The following VEZT variants were observed in gnomAD, a reference collection of about 807,000 sequenced individuals.
The protein encoded by VEZT is vezatin, adherens junctions transmembrane protein.
In VEZT, 39 loss-of-function variants were observed where a neutral mutation model predicts 79.9. The ratio of observed to expected loss-of-function variants is 0.49; its 90% confidence interval spans 0.38 to 0.64. VEZT has a LOEUF of 0.64. Among genes scored for constraint, VEZT ranks in the 30% least tolerant of loss-of-function variants. The probability of loss-of-function intolerance (pLI) is 0.00; values close to 1 mark genes in which losing one functional copy is unlikely to be tolerated. For missense variants in VEZT, 837 were observed against 893.1 expected (o/e 0.94, Z 0.80); for synonymous variants, 325 against 327.6 (o/e 0.99, Z 0.09).
Position 95,218,119 on chromosome 12 carries a change from C to T in VEZT, c.36+233C>T, listed in dbSNP as rs567650984. 935 of 381,992 alleles carry T rather than the reference C, an allele frequency of 2.4e-3. 3 individuals are homozygous for T. Among genetic ancestry groups the T allele is most frequent in the Non-Finnish European group, 3.7e-3 (788 of 212,902 alleles). The allele number at this position is 381,992 out of a possible 1,614,324, so 23.7% of individuals were successfully genotyped here. ...CTCGGGCCCGCCCAGAATTCCCAGA[C>T]GGTGCCCGGTTGCCAGGCTCTGGGC... On this transcript the variant is annotated intron_variant, in intron 1 of 11. Transcript: ENST00000436874.
At chr12:95,293,143 C>G (rs890039983) in intron 9 of VEZT, among the ~76,000 whole-genome samples, 1 of 152,194 alleles carries the variant, frequency 6.6e-6, no homozygotes, top group Non-Finnish European at 1.5e-5. Flanking sequence ...AGCCACTGTG[C>G]CCAGCCAGTT....
chr12:95,287,557 C>CAAAT, intron 8 of VEZT, 107 bp from the exon 9 acceptor site: 3 of 1,078,504 alleles, frequency 2.8e-6, no homozygotes, highest in Non-Finnish European at 3.8e-6. Context: ...CCTGCCTTGG[C>CAAAT]CTCCCAAAGT....
chr12:95,287,867 A>G lies in VEZT; in HGVS notation c.1522+10A>G. ...AATACAGATAAAAAAGGTACCTGTG[A>G]GAGATTTCTTTGCCATATGCTTATC... On this transcript the variant is annotated intron_variant, in intron 9 of 11. Transcript: ENST00000436874. The G allele has an allele frequency of 6.3e-7, 1 of 1,575,802 alleles. No homozygotes were observed. The highest frequency in any genetic ancestry group is 1.2e-5 in the South Asian group (1 of 85,498).
At chr12:95,275,135 G>C (rs751547455) in intron 7 of VEZT, among the ~76,000 whole-genome samples, 83 of 152,208 alleles carry the variant, frequency 5.5e-4, no homozygotes, top group Non-Finnish European at 1.1e-3. Context: ...CCTTAAATTA[G>C]AGTTTGGAGA....
chr12:95,292,954 G>A (rs2073316713), intron 9 of VEZT, among the ~76,000 whole-genome samples: 6 of 146,930 alleles, frequency 4.1e-5, no homozygotes, highest in African/African-American at 1.3e-4. Context: ...GGGTTCAAAC[G>A]ATTCTTCTGC....
At chr12:95,238,701 A>G (rs562718475) in intron 1 of VEZT, among the ~76,000 whole-genome samples, 14 of 152,278 alleles carry the variant, frequency 9.2e-5, no homozygotes, top group African/African-American at 3.1e-4. Flanking sequence ...ACTGTTTCAT[A>G]TTTCATTAAA....
chr12:95,290,993 G>A (rs1031953186), intron 9 of VEZT, among the ~76,000 whole-genome samples: 6 of 152,014 alleles, frequency 3.9e-5, no homozygotes, highest in South Asian at 2.1e-4. Context: ...GGCCAGGTGC[G>A]GTGGCTCATG....
At chr12:95,230,307 A>T (rs2059078720) in intron 1 of VEZT, among the ~76,000 whole-genome samples, 1 of 152,178 alleles carries the variant, frequency 6.6e-6, no homozygotes, top group Non-Finnish European at 1.5e-5. Context: ...TAGTTGACAG[A>T]ATATAGCCTC....
chr12:95,266,505 G>A lies in VEZT; in HGVS notation c.583G>A (p.Val195Met). 1.9e-6 allele frequency: 3 copies of A among 1,613,898 alleles called. No individual in the cohort carries two copies. In the South Asian group the frequency reaches 3.3e-5, roughly 18 times the overall value. ...ATTATGGAGGACAGCCAAACTACAAGTGACCCTAAAAAAATACAGCGTTCA... is the reference window on the plus strand; with the variant it reads ...ATTATGGAGGACAGCCAAACTACAAATGACCCTAAAAAAATACAGCGTTCA... ...LRLWRTAKLQ[V>M]TLKKYSVHLE... Residue 195 changes from valine to methionine, a missense_variant, in exon 5 of 12, where the codon GTG (valine) becomes ATG (methionine). Val to Met is a conservative substitution (Grantham distance 21, BLOSUM62 1). Coordinates refer to ENST00000436874, the MANE Select transcript of VEZT (RefSeq NM_017599.4).
intron 9 of VEZT, among the ~76,000 whole-genome samples, chr12:95,288,570 T>C (rs2071622386): frequency 6.6e-6 from 1 of 152,222 alleles, no homozygotes; most frequent in Non-Finnish European, 1.5e-5. Flanking sequence ...GAATTTGCAT[T>C]GTTGCTAAAG....
intron 1 of VEZT, among the ~76,000 whole-genome samples, chr12:95,239,030 T>TATAGAA (rs1224273269): frequency 6.6e-6 from 1 of 152,226 alleles, no homozygotes; most frequent in Non-Finnish European, 1.5e-5. Context: ...TTTCCATTTG[T>TATAGAA]ATAGAAATTT....
chr12:95,285,796 A>G (rs966828030), intron 8 of VEZT, among the ~76,000 whole-genome samples: 5 of 152,122 alleles, frequency 3.3e-5, no homozygotes, highest in African/African-American at 1.2e-4. Flanking sequence ...CTGATAAAGA[A>G]AGCAACTACA....
At chr12:95,258,697 TTTATAGCAACCATGA>T (rs1247067273) in intron 3 of VEZT, among the ~76,000 whole-genome samples, 1 of 152,190 alleles carries the variant, frequency 6.6e-6, no homozygotes, top group Non-Finnish European at 1.5e-5. Flanking sequence ...AAAAAAATCC[TTTATAGCAACCATGA>T]TGGGTAGTGG....
intron 6 of VEZT, among the ~76,000 whole-genome samples, chr12:95,271,120 T>C (rs2066505131): frequency 6.6e-6 from 1 of 152,214 alleles, no homozygotes; most frequent in South Asian, 2.1e-4. Flanking sequence ...CAACTACTAA[T>C]GGATGAAGTT....
In VEZT at chr12:95,234,864, G is replaced by C. The variant is rs552413631; in HGVS notation, c.36+16978G>C. On this transcript the variant is annotated intron_variant, in intron 1 of 11. Transcript: ENST00000436874. ...ATTAGGGAGTGGTAATGACTCTTAA[G>C]GAGCATGCTGCCTTCAAGCATCTGT... Among the ~76,000 whole-genome samples, 44 of 152,156 alleles carry C rather than the reference G, an allele frequency of 2.9e-4. 1 individual carries two copies. In the South Asian group the frequency reaches 7.1e-3, roughly 24 times the overall value.
chr12:95,267,352 C>T (rs1017539383), intron 5 of VEZT, among the ~76,000 whole-genome samples: 5 of 152,162 alleles, frequency 3.3e-5, no homozygotes, highest in African/African-American at 1.2e-4. Context: ...GCTTGCAGTA[C>T]ACTGGACACC....
chr12:95,263,075 A>T lies in VEZT; in HGVS notation c.428A>T (p.Asn143Ile). The change falls in exon 4 of 12, where the codon AAT (asparagine) becomes ATT (isoleucine). Residue 143 changes from asparagine (N) to isoleucine (I), a missense_variant. Physicochemically the swap from Asn to Ile is moderately radical, Grantham distance 149. Coordinates refer to ENST00000436874, the MANE Select transcript of VEZT (RefSeq NM_017599.4). Reference protein sequence around the residue: ...LPTLCSLATPNIWDLSMLFAF... With the variant: ...LPTLCSLATPIIWDLSMLFAF... ...ACACTTTGCTCCCTGGCAACCCCTA[A>T]TATTTGGTACTGTCCAGAAAACACC... is the stretch of plus-strand genomic sequence containing the variant. 6 of 1,605,446 alleles carry T rather than the reference A, an allele frequency of 3.7e-6. No individual in the cohort carries two copies. The highest frequency in any genetic ancestry group is 5.1e-6 in the Non-Finnish European group (6 of 1,173,708).
Position 95,300,728 on chromosome 12 carries a change from G to A in VEZT, c.*55G>A. ...ATTGTTCCTTTTACAAAAGTGTTTA[G>A]CTTCAAGACTGGAAAGGGAATATGA... On this transcript the variant is annotated 3_prime_UTR_variant, in exon 12 of 12. Coordinates refer to ENST00000436874, the MANE Select transcript of VEZT (RefSeq NM_017599.4). The A allele has an allele frequency of 6.7e-7, 1 of 1,482,476 alleles. No homozygotes were observed. Among genetic ancestry groups the A allele is most frequent in the South Asian group, 1.4e-5 (1 of 70,640 alleles). The allele number at this position is 1,482,476 out of a possible 1,614,324, so 91.8% of individuals were successfully genotyped here.
At chr12:95,284,320 T>C (rs1238877083) in intron 8 of VEZT, among the ~76,000 whole-genome samples, 1 of 152,350 alleles carries the variant, frequency 6.6e-6, no homozygotes, top group East Asian at 1.9e-4. Context: ...TTTAGAATGC[T>C]CTTTTTGTGT....
Sources: allele counts gnomAD v4.1 joint callset (sites outside exome capture counted in the v4.1 genomes callset), GRCh38; gene constraint gnomAD v4.1.1; transcripts MANE v1.5; gene names NCBI Gene and HGNC (gene_info 2026-07-23, HGNC 2026-07-21).